COL5A1: variants seen among roughly 807,000 people sequenced by gnomAD.
The protein encoded by COL5A1 is collagen alpha-1(V) chain.
Under a neutral mutation model 263.7 loss-of-function variants are expected in COL5A1, and 16 were observed. The ratio of observed to expected loss-of-function variants is 0.06; its 90% CI spans 0.04 to 0.09. The LOEUF (loss-of-function observed/expected upper bound fraction) is 0.09. COL5A1 is among the 10% of genes least tolerant of loss of function. The pLI is 1.00. For missense variants in COL5A1, 2,036 were observed against 2,540.5 expected (o/e 0.80, Z 4.27); for synonymous variants, 1,012 against 1,004.5 (o/e 1.01, Z -0.14).
chr9:134,744,666 CAT>C (rs1430547215), intron 11 of COL5A1, among the ~76,000 whole-genome samples: 1 of 151,296 alleles, frequency 6.6e-6, no homozygotes, highest in Admixed American at 6.6e-5. Flanking sequence ...CGCTCACACA[CAT>C]GCACACACAT....
At chr9:134,704,391 A>C (rs1281547323) in intron 4 of COL5A1, among the ~76,000 whole-genome samples, 1 of 152,206 alleles carries the variant, frequency 6.6e-6, no homozygotes, top group Non-Finnish European at 1.5e-5. Flanking sequence ...CTCCTTTATC[A>C]GCAAAGGATG....
chr9:134,799,593 G>A (rs1168038577), intron 37 of COL5A1, among the ~76,000 whole-genome samples: 2 of 152,164 alleles, frequency 1.3e-5, no homozygotes, highest in Non-Finnish European at 2.9e-5. Context: ...TCGTGGAATG[G>A]GTCTCTGAGT....
In COL5A1 at chr9:134,765,136, A is replaced by C. The variant is rs114796081; in HGVS notation, c.2035-545A>C. 2.8e-3 allele frequency among the ~76,000 whole-genome samples: 419 copies of C among 152,266 alleles called. 1 individual carries two copies. Among genetic ancestry groups the C allele is most frequent in the African/African-American group, 9.8e-3 (406 of 41,554 alleles). On this transcript the variant is annotated intron_variant, in intron 20 of 65. Coordinates refer to ENST00000371817, the MANE Select transcript of COL5A1 (RefSeq NM_000093.5). This position sits in a 1 kb window ranked among gnomAD's most constrained non-coding sequence, Gnocchi z 5.1. ...GCTCTTGCCCAGAGTAGCGTCCTGG[A>C]AAAGATCTGTACCCCACGCCTCCTT... is the stretch of plus-strand genomic sequence containing the variant.
chr9:134,776,266 G>C (rs1348728731), intron 27 of COL5A1, among the ~76,000 whole-genome samples: 1 of 152,200 alleles, frequency 6.6e-6, no homozygotes, highest in South Asian at 2.1e-4. Flanking sequence ...GATTATGTGA[G>C]TTCTATAGCA....
chr9:134,806,291 G>C lies in COL5A1; in HGVS notation c.3361G>C (p.Ala1121Pro), dbSNP rs863223449. 7.1e-6 allele frequency: 11 copies of C among 1,546,008 alleles called. No individual in the cohort carries two copies. Among genetic ancestry groups the C allele is most frequent in the Non-Finnish European group, 9.6e-6 (11 of 1,144,356 alleles). The change falls in exon 42 of 66, where the codon GCT (alanine) becomes CCT (proline). Residue 1121 changes from alanine to proline, a missense_variant. By Grantham distance (27) the Ala-to-Pro change is conservative. Around this residue, in one of 3 missense-constraint regions of COL5A1, gnomAD observed 1,078 missense variants for 1,521.4 expected, o/e 0.71. Coordinates refer to ENST00000371817, the MANE Select transcript of COL5A1 (RefSeq NM_000093.5). ...GPPGPAGEKG[A>P]PGEKGPQGPA... ...CCCAGGGCCGGCAGGAGAGAAAGGG[G>C]CTCCTGTAAGTACTGCCTTGGATTG...
intron 27 of COL5A1, among the ~76,000 whole-genome samples, chr9:134,777,903 G>A (rs1217957875): frequency 6.6e-6 from 1 of 152,216 alleles, no homozygotes; most frequent in Non-Finnish European, 1.5e-5. Flanking sequence ...TGCTGAGCAG[G>A]CTCAACCCTG....
intron 64 of COL5A1, 153 bp downstream of exon 64, chr9:134,830,197 G>A (rs767740713): frequency 2.3e-5 from 37 of 1,596,990 alleles, no homozygotes; most frequent in Admixed American, 6.9e-5. Flanking sequence ...ACCTCGGCCC[G>A]GCCACCTCGG....
chr9:134,682,597 C>T lies in COL5A1; in HGVS notation c.110-8315C>T, dbSNP rs983630591. ...CTGCCCAGGAAGGGCGCAGGAATCC[C>T]GGAGGTCAGGCAGGTGGGCGAGTCA... is the stretch of plus-strand genomic sequence containing the variant. On this transcript the variant is annotated intron_variant, in intron 1 of 65. Transcript: ENST00000371817. The surrounding 1 kb of genome is among the most constrained non-coding windows in gnomAD (Gnocchi z 5.1). Among the ~76,000 whole-genome samples the T allele has an allele frequency of 3.9e-5, 6 of 152,190 alleles. No homozygotes were observed. Among genetic ancestry groups the T allele is most frequent in the African/African-American group, 1.2e-4 (5 of 41,442 alleles).
rs370934864 is a variant in COL5A1 at position 134,734,006 on chromosome 9, C to T, written c.1389+1879C>T. On this transcript the variant is annotated intron_variant, in intron 9 of 65. Coordinates refer to ENST00000371817, the MANE Select transcript of COL5A1 (RefSeq NM_000093.5). Reference sequence around the variant, plus strand: ...GGATCCCAGTTCGGTTTCCCCTCCCCGCTCTGGGAGGGCCGGACTGAAACC... The same window carrying T: ...GGATCCCAGTTCGGTTTCCCCTCCCTGCTCTGGGAGGGCCGGACTGAAACC... Among the ~76,000 whole-genome samples, 7 of 152,152 alleles carry T rather than the reference C, an allele frequency of 4.6e-5. No homozygotes were observed. In the South Asian group the frequency reaches 8.3e-4, roughly 18 times the overall value.
chr9:134,806,686 C>T (rs1033559071), intron 42 of COL5A1, among the ~76,000 whole-genome samples: 17 of 152,202 alleles, frequency 1.1e-4, no homozygotes, highest in African/African-American at 4.1e-4. Context: ...CCTGTGTGGT[C>T]GGGCCACAGC....
At position 134,734,139 on chromosome 9, in the gene COL5A1, G is replaced by A. The variant is rs115293292; in HGVS notation, c.1389+2012G>A. Among the ~76,000 whole-genome samples the A allele has an allele frequency of 5.1e-3, 770 of 152,264 alleles. 7 individuals carry two copies. Among genetic ancestry groups the A allele is most frequent in the African/African-American group, 0.018 (732 of 41,536 alleles). ...GGTTGGGAGTGTGGGGTGGGCACAGGTTTTCCACTGCCAGGCACCCGGGAA... is the reference window on the plus strand; with the variant it reads ...GGTTGGGAGTGTGGGGTGGGCACAGATTTTCCACTGCCAGGCACCCGGGAA... On this transcript the variant is annotated intron_variant, in intron 9 of 65. Coordinates refer to ENST00000371817, the MANE Select transcript of COL5A1 (RefSeq NM_000093.5).
chr9:134,736,639 A>G (rs1835108639), intron 9 of COL5A1, among the ~76,000 whole-genome samples: 1 of 152,194 alleles, frequency 6.6e-6, no homozygotes, highest in South Asian at 2.1e-4. Flanking sequence ...TACAGTTTAC[A>G]TTCACTCCAT....
At chr9:134,656,262 G>A (rs1220714825) in intron 1 of COL5A1, among the ~76,000 whole-genome samples, 2 of 152,216 alleles carry the variant, frequency 1.3e-5, no homozygotes, top group African/African-American at 4.8e-5. Flanking sequence ...GCAGAGGAGG[G>A]TGGGGGCCTG....
intron 37 of COL5A1, among the ~76,000 whole-genome samples, chr9:134,800,204 C>T (rs13283087): frequency 0.042 from 6,385 of 152,278 alleles, 170 homozygotes; most frequent in Non-Finnish European, 0.063. Context: ...CCAGGGTGGC[C>T]GAGGGCCCTG....
chr9:134,815,944 G>A lies in COL5A1; in HGVS notation c.4078G>A (p.Gly1360Ser). The A allele has an allele frequency of 1.2e-6, 2 of 1,614,104 alleles. No homozygotes were observed. Among genetic ancestry groups the A allele is most frequent in the Non-Finnish European group, 1.7e-6 (2 of 1,180,038 alleles). Residue 1360 changes from glycine to serine, a missense_variant, in exon 52 of 66, where the codon GGT becomes AGT. By Grantham distance (56) the Gly-to-Ser change is moderately conservative (BLOSUM62 0). Transcript: ENST00000371817. Reference sequence around the variant, plus strand: ...GCTTTTGCCTCCATAGGGTCAAGATGGTCCCCCTGGTGACAAAGGAGATGA... The same window carrying A: ...GCTTTTGCCTCCATAGGGTCAAGATAGTCCCCCTGGTGACAAAGGAGATGA... ...PGEPGPAGQD[G>S]PPGDKGDDGE...
intron 4 of COL5A1, among the ~76,000 whole-genome samples, chr9:134,714,668 G>T (rs1834192225): frequency 5.1e-5 from 2 of 38,898 alleles, no homozygotes; most frequent in Non-Finnish European, 1.1e-4. Context: ...GGCGATGATA[G>T]TGGTGGTGGT....
chr9:134,767,553 G>A (rs1042924048), intron 24 of COL5A1, among the ~76,000 whole-genome samples, 199 bp downstream of exon 24: 3 of 152,232 alleles, frequency 2.0e-5, no homozygotes, highest in Non-Finnish European at 2.9e-5. Context: ...TGATTCATAC[G>A]TTTATTCATT....
At position 134,744,873 on chromosome 9, in the gene COL5A1, ACT is replaced by A. The variant is rs56968471; in HGVS notation, c.1495-5667_1495-5666del. Among the ~76,000 whole-genome samples, 9 of 149,762 alleles carry A rather than the reference ACT, an allele frequency of 6.0e-5. No individual in the cohort carries two copies. The South Asian group carries it at 6.4e-4, about 11-fold the overall frequency. On this transcript the variant is annotated intron_variant, in intron 11 of 65. Transcript: ENST00000371817. ...CATGCACACACATTTACACACATGC[ACT>A]CACACACCTGCACACACACTCATGC... is the stretch of plus-strand genomic sequence containing the variant.
chr9:134,733,804 T>C (rs1834993070), intron 9 of COL5A1, among the ~76,000 whole-genome samples: 1 of 152,234 alleles, frequency 6.6e-6, no homozygotes, highest in African/African-American at 2.4e-5. Context: ...AGCCCCAAGC[T>C]ACACTTGTTA....
Sources: allele counts gnomAD v4.1 joint callset (sites outside exome capture counted in the v4.1 genomes callset), GRCh38; gene constraint gnomAD v4.1.1; regional missense constraint gnomAD v4.1.1; non-coding constraint Gnocchi (gnomAD v3.1); transcripts MANE v1.5; gene names NCBI Gene and HGNC (gene_info 2026-07-23, HGNC 2026-07-21).